The following ATP10B variants were observed in gnomAD, a reference collection of about 807,000 sequenced individuals.
ATP10B encodes the protein phospholipid-transporting ATPase VB.
A neutral mutation model predicts 141.2 loss-of-function variants in ATP10B; 122 were observed. That is an observed-to-expected ratio of 0.86 (90% confidence interval 0.75 to 1.00). ATP10B has a LOEUF of 1.00. Ranked by LOEUF, ATP10B falls within the 50% of genes least tolerant of loss-of-function variation. ATP10B has a pLI of 0.00. For synonymous variants in ATP10B, 685 were observed against 692.0 expected, an observed-to-expected ratio of 0.99 and a Z score of 0.16; for missense variants, 1,876 against 1,825.3, an observed-to-expected ratio of 1.03 and a Z score of -0.51.
chr5:160,742,481 T>A (rs967556418), intron 2 of ATP10B, among the ~76,000 whole-genome samples: 6 of 151,890 alleles, frequency 4.0e-5, no homozygotes, highest in African/African-American at 1.5e-4. Context: ...CAGCAAGGAG[T>A]TCACTCTGGT....
chr5:160,785,616 C>T lies in ATP10B; in HGVS notation c.-388G>A, dbSNP rs1771080857. On this transcript the variant is annotated 5_prime_UTR_variant, in exon 2 of 26. Coordinates refer to ENST00000327245, the MANE Select transcript of ATP10B (RefSeq NM_025153.3). Reference sequence around the variant, plus strand: ...TCTCCTTCCCTCCTTTTTGAAGTCTCAGTGTTTATTGTTCTCATCTTTGTG... The same window carrying T: ...TCTCCTTCCCTCCTTTTTGAAGTCTTAGTGTTTATTGTTCTCATCTTTGTG... The T allele has an allele frequency of 8.7e-7, 1 of 1,155,336 alleles. No individual in the cohort carries two copies. The highest frequency in any genetic ancestry group is 1.2e-6 in the Non-Finnish European group (1 of 867,060). 71.6% of individuals were successfully genotyped at this position (1,155,336 alleles called of 1,614,324 possible).
chr5:160,849,324 G>A (rs1176521858), intron 1 of ATP10B, among the ~76,000 whole-genome samples: 1 of 152,060 alleles, frequency 6.6e-6, no homozygotes, highest in Non-Finnish European at 1.5e-5. Flanking sequence ...CCATACCAGA[G>A]CGACCTGCAA....
intron 2 of ATP10B, among the ~76,000 whole-genome samples, chr5:160,731,597 G>A (rs1766743978): frequency 1.3e-5 from 2 of 152,092 alleles, no homozygotes; most frequent in South Asian, 4.1e-4. Context: ...GTTTTTGCTG[G>A]TTTTGGCCTG....
At chr5:160,823,009 T>C (rs867636149) in intron 1 of ATP10B, among the ~76,000 whole-genome samples, 2 of 110,874 alleles carry the variant, frequency 1.8e-5, no homozygotes, top group African/African-American at 3.5e-5. Flanking sequence ...TACATATATA[T>C]ATATATATAT....
chr5:160,775,286 A>G (rs1043415228), intron 2 of ATP10B, among the ~76,000 whole-genome samples: 2 of 152,222 alleles, frequency 1.3e-5, no homozygotes, highest in South Asian at 4.1e-4. Flanking sequence ...CCCCTCGAGG[A>G]CAGAGGTCTT....
chr5:160,802,026 A>T (rs1383178874), intron 1 of ATP10B, among the ~76,000 whole-genome samples: 1 of 152,188 alleles, frequency 6.6e-6, no homozygotes, highest in Non-Finnish European at 1.5e-5. Context: ...TAGAGTTCCC[A>T]TTGATCTGCT....
chr5:160,652,869 T>C (rs1197359539), intron 7 of ATP10B, among the ~76,000 whole-genome samples: 1 of 61,220 alleles, frequency 1.6e-5, no homozygotes, highest in African/African-American at 6.1e-5. Context: ...TTATATATAA[T>C]ATATATAATA....
At chr5:160,881,571 G>T in the ATP10B span, among the ~76,000 whole-genome samples, 1 of 152,142 alleles carries the variant, frequency 6.6e-6, no homozygotes, top group Admixed American at 6.5e-5. Flanking sequence ...CCAGCACTTT[G>T]GGAGGCCGAG....
At position 160,619,779 on chromosome 5, in the gene ATP10B, A is replaced by G. The variant is rs182274931; in HGVS notation, c.2416+568T>C. On this transcript the variant is annotated intron_variant, in intron 15 of 25. Coordinates refer to ENST00000327245, the MANE Select transcript of ATP10B (RefSeq NM_025153.3). Reference sequence around the variant, plus strand: ...GCTCAGTGCACGTTTATGAAAATCCATCTGGGGGAGGCTGGGGAAAAGGAT... The same window carrying G: ...GCTCAGTGCACGTTTATGAAAATCCGTCTGGGGGAGGCTGGGGAAAAGGAT... Among the ~76,000 whole-genome samples, 195 of 152,264 alleles carry G rather than the reference A, an allele frequency of 1.3e-3. 2 individuals carry two copies. The highest frequency in any genetic ancestry group is 4.5e-3 in the African/African-American group (185 of 41,552).
intron 2 of ATP10B, among the ~76,000 whole-genome samples, chr5:160,729,817 A>G (rs1292833378): frequency 2.0e-5 from 3 of 152,124 alleles, no homozygotes; most frequent in Admixed American, 1.3e-4. Flanking sequence ...TGGAAACAGG[A>G]GAGAGAGTGA....
rs939751370 is a variant in ATP10B at position 160,815,137 on chromosome 5, A to G, written c.-575-29334T>C. 6.6e-5 allele frequency among the ~76,000 whole-genome samples: 10 copies of G among 152,346 alleles called. No individual in the cohort carries two copies. In the East Asian group the frequency reaches 1.9e-3, roughly 29 times the overall value. On this transcript the variant is annotated intron_variant, in intron 1 of 25. Coordinates refer to ENST00000327245, the MANE Select transcript of ATP10B (RefSeq NM_025153.3). Reference sequence around the variant, plus strand: ...CAGGATCAAATTCACACATAACAATATTAACCTTAAATGTAAATGGGCTAA... The same window carrying G: ...CAGGATCAAATTCACACATAACAATGTTAACCTTAAATGTAAATGGGCTAA...
chr5:160,639,798 T>C (rs975120864), intron 10 of ATP10B, among the ~76,000 whole-genome samples: 1 of 152,220 alleles, frequency 6.6e-6, no homozygotes, highest in Non-Finnish European at 1.5e-5. Flanking sequence ...TATTATTACA[T>C]TGTAATATAT....
At chr5:160,707,285 T>C (rs2127767252) in intron 3 of ATP10B, among the ~76,000 whole-genome samples, 1 of 152,292 alleles carries the variant, frequency 6.6e-6, no homozygotes, top group East Asian at 1.9e-4. Flanking sequence ...ACTGAGCAAC[T>C]TTCTAATGTG....
the ATP10B span, among the ~76,000 whole-genome samples, chr5:160,889,905 C>G: frequency 1.5e-4 from 23 of 152,142 alleles, no homozygotes; most frequent in Admixed American, 1.4e-3. Flanking sequence ...TCCTGTCACA[C>G]CTCCTACCCT....
chr5:160,755,837 AAATATATATATATATATATAT>A lies in ATP10B; in HGVS notation c.-331+29701_-331+29721del, dbSNP rs1234984775. Among the ~76,000 whole-genome samples the A allele has an allele frequency of 1.5e-3, 66 of 44,598 alleles. 1 individual carries two copies. Among genetic ancestry groups the A allele is most frequent in the African/African-American group, 5.3e-3 (44 of 8,370 alleles). The allele number at this position is 44,598 out of a possible 152,430, so 29.3% of individuals were successfully genotyped here. A position where few individuals can be genotyped will look rare whatever the true frequency, so the allele number is the denominator to read the frequency against. ...CTCAAAAAAAAAAAAAAAAAAAAAA[AAATATATATATATATATATAT>A]ATATATATATATATATATATTATAA... On this transcript the variant is annotated intron_variant, in intron 2 of 25. Coordinates refer to ENST00000327245, the MANE Select transcript of ATP10B (RefSeq NM_025153.3).
chr5:160,783,456 T>C (rs1411218852), intron 2 of ATP10B, among the ~76,000 whole-genome samples: 2 of 141,316 alleles, frequency 1.4e-5, no homozygotes, highest in Non-Finnish European at 3.1e-5. Flanking sequence ...CATATATATA[T>C]ATATATCATA....
At chr5:160,588,160 T>C (rs2127608789) in intron 24 of ATP10B, among the ~76,000 whole-genome samples, 1 of 152,312 alleles carries the variant, frequency 6.6e-6, no homozygotes, top group Admixed American at 6.5e-5. Flanking sequence ...ACAATGGGGT[T>C]TTCTAAATAT....
intron 2 of ATP10B, among the ~76,000 whole-genome samples, chr5:160,751,596 G>A (rs950649059): frequency 3.3e-5 from 5 of 151,992 alleles, no homozygotes; most frequent in Admixed American, 1.3e-4. Context: ...ACTGGTTCTC[G>A]GTGACCTAGT....
chr5:160,882,067 A>G, the ATP10B span, among the ~76,000 whole-genome samples: 1 of 152,182 alleles, frequency 6.6e-6, no homozygotes, highest in African/African-American at 2.4e-5. Flanking sequence ...TGGAGACAAT[A>G]AAATATCAGT....
Sources: gnomAD v4.1 joint callset for allele counts (sites outside exome capture counted in the v4.1 genomes callset) on GRCh38, gnomAD v4.1.1 for gene constraint, MANE v1.5 for transcripts, NCBI Gene and HGNC (gene_info 2026-07-23, HGNC 2026-07-21) for gene names.